PCDHA2: variants seen among roughly 807,000 people sequenced by gnomAD.
PCDHA2 encodes protocadherin alpha 2.
Under a neutral mutation model 66.0 loss-of-function variants are expected in PCDHA2, and 58 were observed. The ratio of observed to expected loss-of-function variants is 0.88; its 90% CI spans 0.71 to 1.09. The LOEUF is 1.09. Ranked by LOEUF, PCDHA2 falls within the 50% of genes least tolerant of loss-of-function variation. The pLI, the probability that PCDHA2 is intolerant of heterozygous loss-of-function variation, is 0.00. For missense variants in PCDHA2, 1,267 were observed against 1,242.3 expected (o/e 1.02, Z -0.30); for synonymous variants, 634 against 554.0 (o/e 1.14, Z -2.03).
At chr5:140,843,387 C>T in intron 1 of PCDHA2, 1 of 1,596,066 alleles carries the variant, frequency 6.3e-7, no homozygotes, top group Non-Finnish European at 8.6e-7. Context: ...GTTTTGGGTC[C>T]GGAAGCGGCG....
At chr5:140,867,314 G>A (rs2049881742) in intron 1 of PCDHA2, 1 of 151,958 alleles carries the variant, frequency 6.6e-6, no homozygotes, top group Admixed American at 6.6e-5. Flanking sequence ...ACTGTCATCT[G>A]GTCTAATGTT....
At chr5:140,974,931 A>G (rs555720345) in intron 1 of PCDHA2, among the ~76,000 whole-genome samples, 1 of 152,324 alleles carries the variant, frequency 6.6e-6, no homozygotes, top group African/African-American at 2.4e-5. Context: ...TGTTTAAAAC[A>G]CCACCTATTT....
At chr5:140,858,280 G>A (rs782403060) in intron 1 of PCDHA2, 11 of 1,597,460 alleles carry the variant, frequency 6.9e-6, no homozygotes, top group Non-Finnish European at 5.1e-6. Flanking sequence ...GCGCGGTGGG[G>A]AGCTGGTCTT....
At chr5:140,979,563 C>T (rs1480899524) in intron 2 of PCDHA2, among the ~76,000 whole-genome samples, 1 of 152,174 alleles carries the variant, frequency 6.6e-6, no homozygotes, top group African/African-American at 2.4e-5. Context: ...GAAGATGAGC[C>T]ATGTAAAGGG....
At chr5:140,862,490 G>A (rs1554156448) in intron 1 of PCDHA2, 5 of 385,338 alleles carry the variant, frequency 1.3e-5, no homozygotes, top group Non-Finnish European at 2.1e-5. Context: ...GTTGGTAATC[G>A]CTCGGAATGG....
intron 1 of PCDHA2, among the ~76,000 whole-genome samples, chr5:140,963,204 AAACCTCGTGTT>A (rs2095746581): frequency 6.6e-6 from 1 of 152,104 alleles, no homozygotes; most frequent in South Asian, 2.1e-4. Context: ...ATGAAAAAAA[AAACCTCGTGTT>A]TAGAGTAGAC....
At chr5:140,870,030 T>C (rs782502508) in intron 1 of PCDHA2, 4 of 1,613,662 alleles carry the variant, frequency 2.5e-6, no homozygotes, top group Admixed American at 1.7e-5. Context: ...CTTTAGATTA[T>C]GAAGAAAACA....
chr5:140,954,995 T>C (rs962646761), intron 1 of PCDHA2, among the ~76,000 whole-genome samples: 2 of 152,222 alleles, frequency 1.3e-5, no homozygotes, highest in African/African-American at 2.4e-5. Context: ...TGCATATGGC[T>C]AGCCAATTCT....
chr5:140,849,867 TC>T, intron 1 of PCDHA2: 1 of 1,598,534 alleles, frequency 6.3e-7, no homozygotes, highest in Non-Finnish European at 8.6e-7. Flanking sequence ...GTTCGCGCAG[TC>T]CGAGTACACG....
At chr5:140,958,868 A>G (rs2095446207) in intron 1 of PCDHA2, among the ~76,000 whole-genome samples, 2 of 152,108 alleles carry the variant, frequency 1.3e-5, no homozygotes, top group Non-Finnish European at 2.9e-5. Context: ...CTGGGTTTAT[A>G]AAAGAATTGA....
intron 1 of PCDHA2, among the ~76,000 whole-genome samples, chr5:140,900,046 G>A (rs896570608): frequency 2.4e-4 from 36 of 152,294 alleles, no homozygotes; most frequent in Admixed American, 1.6e-3. Context: ...CTGGGCTCAA[G>A]TGATCCTTTA....
At chr5:140,967,072 C>T in intron 1 of PCDHA2, 1 of 1,613,106 alleles carries the variant, frequency 6.2e-7, no homozygotes, top group Non-Finnish European at 8.5e-7. Flanking sequence ...TCTTCGTCAA[C>T]GAGCGCATTG....
intron 1 of PCDHA2, among the ~76,000 whole-genome samples, chr5:140,941,214 CCTTTCTTTCTTT>C (rs60032403): frequency 3.3e-5 from 4 of 122,414 alleles, no homozygotes; most frequent in Non-Finnish European, 6.8e-5. Flanking sequence ...TTTCTTTCTT[CCTTTCTTTCTTT>C]CTTTCTTTCT....
At chr5:140,821,838 C>T in intron 1 of PCDHA2, 1 of 1,614,194 alleles carries the variant, frequency 6.2e-7, no homozygotes, top group South Asian at 1.1e-5. Flanking sequence ...TTCTCCTTGC[C>T]TACTGGAAGG....
chr5:140,892,516 C>T (rs1308217040), intron 1 of PCDHA2, among the ~76,000 whole-genome samples: 1 of 152,222 alleles, frequency 6.6e-6, no homozygotes, highest in East Asian at 1.9e-4. Context: ...TCCACCATGA[C>T]TGGTAGACTC....
chr5:140,865,345 A>T (rs555567469), intron 1 of PCDHA2: 4 of 152,320 alleles, frequency 2.6e-5, no homozygotes, highest in African/African-American at 9.6e-5. Context: ...GAAATAGTAT[A>T]TTTACATATT....
At chr5:140,816,507 TTGTGTGTGTGTG>T (rs35639952) in intron 1 of PCDHA2, 1 of 149,440 alleles carries the variant, frequency 6.7e-6, no homozygotes, top group African/African-American at 2.5e-5. Context: ...GGAGGTGTGT[TTGTGTGTGTGTG>T]TGTGTGTGTG....
intron 1 of PCDHA2, chr5:140,863,238 T>G (rs1367184463): frequency 9.1e-6 from 12 of 1,318,616 alleles, no homozygotes; most frequent in Non-Finnish European, 1.3e-5. Context: ...CATCGCGGGC[T>G]TTGGCGGGCG....
At chr5:140,858,053 G>C (rs1233644213) in intron 1 of PCDHA2, 5 of 1,597,600 alleles carry the variant, frequency 3.1e-6, no homozygotes, top group Non-Finnish European at 4.3e-6. Flanking sequence ...TGTGTCGCTT[G>C]TGGAGGGCAG....
Sources: gnomAD v4.1 joint callset for allele counts (sites outside exome capture counted in the v4.1 genomes callset) on GRCh38, gnomAD v4.1.1 for gene constraint, MANE v1.5 for transcripts, NCBI Gene and HGNC (gene_info 2026-07-23, HGNC 2026-07-21) for gene names.